The following RTRAF variants were observed in gnomAD, a reference collection of about 807,000 sequenced individuals.
RTRAF encodes the protein RNA transcription, translation and transport factor, also known as tRNA-splicing ligase complex subunit RTRAF.
RTRAF carries 14 observed loss-of-function variants against 34.4 expected under a neutral mutation model. The observed-to-expected ratio is 0.41, with a 90% CI of 0.27 to 0.64. The LOEUF is 0.64. Ranked by LOEUF, RTRAF falls within the 30% of genes least tolerant of loss-of-function variation. The pLI, the probability that RTRAF is intolerant of heterozygous loss-of-function variation, is 0.34. For missense variants in RTRAF, 291 were observed against 288.4 expected (o/e 1.01, Z -0.06); for synonymous variants, 96 against 95.3 (o/e 1.01, Z -0.04).
At chr14:51,994,061 C>G (rs910026110) in intron 3 of RTRAF, among the ~76,000 whole-genome samples, 2 of 152,226 alleles carry the variant, frequency 1.3e-5, no homozygotes, top group African/African-American at 2.4e-5. Context: ...AGTAACACTA[C>G]TTTGATAATA....
In RTRAF at chr14:52,004,666, T is replaced by TTTTTCTTTAATAAAGTTTAG. The variant is rs1385156629; in HGVS notation, c.*151_*170dup. On this transcript the variant is annotated 3_prime_UTR_variant, in exon 8 of 8. Coordinates refer to ENST00000261700, the MANE Select transcript of RTRAF (RefSeq NM_016039.3). ...AGATTTACCACCATTGCTTATTGCT[T>TTTTTCTTTAATAAAGTTTAG]TTTTCTTTAATAAAGTTTAGGAAAG... 1 of 661,360 alleles carries TTTTTCTTTAATAAAGTTTAG rather than the reference T, an allele frequency of 1.5e-6. No individual in the cohort carries two copies. 41.0% of individuals were successfully genotyped at this position (661,360 alleles called of 1,614,324 possible). A position where few individuals can be genotyped will look rare whatever the true frequency, so the allele number is the denominator to read the frequency against.
rs1019193898 is a variant in RTRAF, at chr14:52,001,717, A to G, written c.463-81A>G. 11 of 1,036,966 alleles carry G rather than the reference A, an allele frequency of 1.1e-5. No individual in the cohort carries two copies. The East Asian group carries it at 1.9e-4, about 17-fold the overall frequency. The allele number at this position is 1,036,966 out of a possible 1,614,324, so 64.2% of individuals were successfully genotyped here. The stretch of plus-strand genomic sequence containing the variant: ...TAATTCTGACTTCATCAAAATGAGC[A>G]TCCTTATTCTCTGGGCTCATAGAAG... On this transcript the variant is annotated intron_variant, in intron 5 of 7. Coordinates refer to ENST00000261700, the MANE Select transcript of RTRAF (RefSeq NM_016039.3).
intron 6 of RTRAF, among the ~76,000 whole-genome samples, chr14:52,002,706 C>A (rs755663582): frequency 9.2e-5 from 14 of 152,220 alleles, no homozygotes; most frequent in Non-Finnish European, 1.9e-4. Context: ...CACCTGCCTC[C>A]TGCAGCAATG....
intron 2 of RTRAF, among the ~76,000 whole-genome samples, chr14:51,993,211 ATAC>A (rs1282650259): frequency 2.6e-5 from 4 of 152,090 alleles, no homozygotes; most frequent in Non-Finnish European, 5.9e-5. Context: ...GTTACATATA[ATAC>A]TATTATATGC....
At position 52,005,884 on chromosome 14, in the gene RTRAF, G is replaced by GTCATTTACTAGATAA. The variant is rs776023464; in HGVS notation, c.*1369_*1383dup. 4.6e-5 allele frequency: 67 copies of GTCATTTACTAGATAA among 1,456,914 alleles called. No individual in the cohort carries two copies. Among genetic ancestry groups the GTCATTTACTAGATAA allele is most frequent in the Non-Finnish European group, 6.2e-5 (65 of 1,044,496 alleles). The allele number at this position is 1,456,914 out of a possible 1,614,324, so 90.2% of individuals were successfully genotyped here. On this transcript the variant is annotated 3_prime_UTR_variant, in exon 8 of 8. Transcript: ENST00000261700. ...GAAAGGAAGAGTGAATTCAGGGACA[G>GTCATTTACTAGATAA]TCATTTACTAGATAAAGAAGTCAGT...
intron 6 of RTRAF, among the ~76,000 whole-genome samples, chr14:52,003,303 T>G (rs561025295): frequency 1.3e-5 from 2 of 152,160 alleles, no homozygotes; most frequent in Non-Finnish European, 2.9e-5. Context: ...GATGAACATA[T>G]AAAGCCACTC....
intron 1 of RTRAF, 132 bp downstream of exon 1, chr14:51,989,832 C>T (rs1050063135): frequency 2.1e-5 from 18 of 855,296 alleles, no homozygotes; most frequent in Non-Finnish European, 3.2e-5. Flanking sequence ...GGGCCCCTCT[C>T]CTCTGGGTCG....
At chr14:52,001,969 T>A in intron 6 of RTRAF, 103 bp downstream of exon 6, 2 of 995,422 alleles carry the variant, frequency 2.0e-6, no homozygotes, top group Non-Finnish European at 3.0e-6. Flanking sequence ...CCATTCTACG[T>A]TCTACAACTT....
Position 52,010,561 on chromosome 14 carries a change from T to G in RTRAF, c.*6045T>G. The G allele has an allele frequency of 4.7e-6, 1 of 212,322 alleles. No homozygotes were observed. Among genetic ancestry groups the G allele is most frequent in the South Asian group, 9.9e-5 (1 of 10,128 alleles). The allele number at this position is 212,322 out of a possible 1,614,324, so 13.2% of individuals were successfully genotyped here. A position where few individuals can be genotyped will look rare whatever the true frequency, so the allele number is the denominator to read the frequency against. On this transcript the variant is annotated 3_prime_UTR_variant, in exon 8 of 8. Transcript: ENST00000261700. ...TCCAGTTTAAGTGTCAGCTGAGGCC[T>G]CGCCTGATCATTTGATTCAGAGTAG...
chr14:51,998,372 G>T, intron 3 of RTRAF, 122 bp from the exon 4 acceptor site: 1 of 549,310 alleles, frequency 1.8e-6, no homozygotes, highest in Non-Finnish European at 3.3e-6. Flanking sequence ...GAAATTATTG[G>T]CATTTCCAGT....
intron 4 of RTRAF, 51 bp from the exon 5 acceptor site, chr14:51,999,657 A>G: frequency 2.4e-6 from 3 of 1,251,100 alleles, no homozygotes; most frequent in Non-Finnish European, 3.5e-6. Context: ...TATGTTTGTA[A>G]TTATACGTTT....
chr14:52,007,736 T>G lies in RTRAF; in HGVS notation c.*3220T>G. ...AGATCTAAGTGATGGGATTTCATTTTGTAGTAAAATCTGTTAGTGCTCACA... is the reference window on the plus strand; with the variant it reads ...AGATCTAAGTGATGGGATTTCATTTGGTAGTAAAATCTGTTAGTGCTCACA... On this transcript the variant is annotated 3_prime_UTR_variant, in exon 8 of 8. Transcript: ENST00000261700. 1 of 1,288,692 alleles carries G rather than the reference T, an allele frequency of 7.8e-7. No individual in the cohort carries two copies. Among genetic ancestry groups the G allele is most frequent in the Non-Finnish European group, 1.1e-6 (1 of 906,566 alleles). The allele number at this position is 1,288,692 out of a possible 1,614,324, so 79.8% of individuals were successfully genotyped here.
At chr14:51,990,598 T>G (rs1890416837) in intron 1 of RTRAF, among the ~76,000 whole-genome samples, 1 of 152,216 alleles carries the variant, frequency 6.6e-6, no homozygotes. Context: ...AATCTATTGT[T>G]TTTCTACTTT....
Position 52,006,711 on chromosome 14 carries a change from TGATAGTGA to T in RTRAF, c.*2196_*2203del. ...GGTCCTTCAGCTGCTTTGCCAAAAA[TGATAGTGA>T]CATAGTGATAGTGACACAGTGATAG... On this transcript the variant is annotated 3_prime_UTR_variant, in exon 8 of 8. Coordinates refer to ENST00000261700, the MANE Select transcript of RTRAF (RefSeq NM_016039.3). 5 of 1,602,078 alleles carry T rather than the reference TGATAGTGA, an allele frequency of 3.1e-6. No individual in the cohort carries two copies. Among genetic ancestry groups the T allele is most frequent in the Non-Finnish European group, 4.3e-6 (5 of 1,170,646 alleles).
At chr14:51,992,809 T>C (rs1458105738) in intron 2 of RTRAF, among the ~76,000 whole-genome samples, 6 of 152,142 alleles carry the variant, frequency 3.9e-5, no homozygotes, top group Non-Finnish European at 7.4e-5. Context: ...GATGGGTGGA[T>C]CACCTGAGGT....
chr14:52,004,053 T>TAAAC (rs1440477625), intron 6 of RTRAF, 141 bp from the exon 7 acceptor site: 6 of 732,908 alleles, frequency 8.2e-6, no homozygotes, highest in East Asian at 2.5e-5. Flanking sequence ...AAAGCAAATA[T>TAAAC]AAACAAAATT....
intron 6 of RTRAF, among the ~76,000 whole-genome samples, chr14:52,002,591 G>A (rs1205245318): frequency 6.6e-6 from 1 of 152,204 alleles, no homozygotes; most frequent in East Asian, 1.9e-4. Flanking sequence ...GAGAAAATAT[G>A]GAACATTTTT....
chr14:51,998,428 A>T, intron 3 of RTRAF, 66 bp from the exon 4 acceptor site: 1 of 868,780 alleles, frequency 1.2e-6, no homozygotes, highest in Non-Finnish European at 1.7e-6. Context: ...TAAATTTGGT[A>T]AATAGCAGTA....
At position 52,007,116 on chromosome 14, in the gene RTRAF, T is replaced by C. The variant is rs918518315; in HGVS notation, c.*2600T>C. ...AATGGTAACATAACTCATATTTCAA[T>C]GTAAAGGAATCAGTCTTAAAAATTT... is the stretch of plus-strand genomic sequence containing the variant. On this transcript the variant is annotated 3_prime_UTR_variant, in exon 8 of 8. Transcript: ENST00000261700. The C allele has an allele frequency of 6.5e-6, 1 of 154,630 alleles. No homozygotes were observed. Among genetic ancestry groups the C allele is most frequent in the African/African-American group, 2.4e-5 (1 of 41,464 alleles). The allele number at this position is 154,630 out of a possible 1,614,324, so 9.6% of individuals were successfully genotyped here.
Sources: gnomAD v4.1 joint callset for allele counts (sites outside exome capture counted in the v4.1 genomes callset) on GRCh38, gnomAD v4.1.1 for gene constraint, MANE v1.5 for transcripts, NCBI Gene and HGNC (gene_info 2026-07-23, HGNC 2026-07-21) for gene names.